The following ANKRD10 variants were observed in gnomAD, a reference collection of about 807,000 sequenced individuals.
ANKRD10 encodes ankyrin repeat domain-containing protein 10.
In ANKRD10, 14 loss-of-function variants were observed where a neutral mutation model predicts 27.0. The ratio of observed to expected loss-of-function variants is 0.52; its 90% CI spans 0.34 to 0.81. The LOEUF is 0.81. ANKRD10 is among the 40% of genes least tolerant of loss of function. The probability of loss-of-function intolerance (pLI) is 0.01; values close to 1 mark genes in which losing one functional copy is unlikely to be tolerated. For synonymous variants in ANKRD10, 250 were observed against 224.5 expected, an observed-to-expected ratio of 1.11 and a Z score of -1.01; for missense variants, 493 against 544.0, an observed-to-expected ratio of 0.91 and a Z score of 0.93.
In ANKRD10 at chr13:110,880,023, T is replaced by C; in HGVS notation, c.877A>G (p.Ser293Gly). 2.5e-6 allele frequency: 4 copies of C among 1,614,210 alleles called. No homozygotes were observed. The highest frequency in any genetic ancestry group is 1.1e-5 in the South Asian group (1 of 91,084). ...HLDFPSTTPLSGMESRNGQCL... is the reference protein window; with the variant it reads ...HLDFPSTTPLGGMESRNGQCL... ...TGGCCATTCCTGCTTTCCATCCCAC[T>C]GAGCGGGGTCGTGGAGGGGAAGTCC... is the stretch of plus-strand genomic sequence containing the variant. The change falls in exon 6 of 6, where the codon AGT (serine) becomes GGT (glycine). Residue 293 changes from serine to glycine, a missense_variant. Coordinates refer to ENST00000267339, the MANE Select transcript of ANKRD10 (RefSeq NM_017664.4).
intron 4 of ANKRD10, among the ~76,000 whole-genome samples, chr13:110,889,235 G>A (rs2065012893): frequency 6.6e-6 from 1 of 152,152 alleles, no homozygotes; most frequent in South Asian, 2.1e-4. Flanking sequence ...TGAAGCCCAT[G>A]CATCATACCA....
chr13:110,901,875 T>C (rs2065390284), intron 3 of ANKRD10, among the ~76,000 whole-genome samples: 3 of 152,008 alleles, frequency 2.0e-5, no homozygotes, highest in Admixed American at 2.0e-4. Context: ...ACCCCATCTC[T>C]ACTAAACATT....
intron 3 of ANKRD10, among the ~76,000 whole-genome samples, chr13:110,900,030 A>G (rs2065341333): frequency 1.3e-5 from 2 of 152,138 alleles, no homozygotes; most frequent in African/African-American, 4.8e-5. Context: ...TAGGCAACAC[A>G]GGAAGACCCT....
At chr13:110,902,463 G>C (rs146324322) in intron 3 of ANKRD10, among the ~76,000 whole-genome samples, 108 of 152,200 alleles carry the variant, frequency 7.1e-4, no homozygotes, top group African/African-American at 2.4e-3. Flanking sequence ...AGTATTCTTT[G>C]TGGCATTAGA....
At chr13:110,897,733 CAT>C (rs1438682233) in intron 3 of ANKRD10, among the ~76,000 whole-genome samples, 1 of 152,086 alleles carries the variant, frequency 6.6e-6, no homozygotes, top group Non-Finnish European at 1.5e-5. Flanking sequence ...ACTGCTGAAT[CAT>C]ATGGTAGTTC....
At position 110,915,051 on chromosome 13, in the gene ANKRD10, G is replaced by T. The variant is rs2065855273; in HGVS notation, c.-117C>A. On this transcript the variant is annotated 5_prime_UTR_variant, in exon 1 of 6. Coordinates refer to ENST00000267339, the MANE Select transcript of ANKRD10 (RefSeq NM_017664.4). ...CTAGCGCCGCGGTCGCGTCCCACAG[G>T]CTGCCGAGCGGAGCGCGCACAGAGG... 2.8e-6 allele frequency: 4 copies of T among 1,419,670 alleles called. No individual in the cohort carries two copies. Among genetic ancestry groups the T allele is most frequent in the Non-Finnish European group, 2.7e-6 (3 of 1,091,808 alleles). 87.9% of individuals were successfully genotyped at this position (1,419,670 alleles called of 1,614,324 possible).
At chr13:110,892,706 C>T (rs1396403066) in intron 4 of ANKRD10, 6 of 1,005,266 alleles carry the variant, frequency 6.0e-6, no homozygotes. Context: ...GGCACAGTGG[C>T]AGATTTTCTT....
chr13:110,913,240 A>G (rs753457482), intron 1 of ANKRD10, among the ~76,000 whole-genome samples: 2 of 152,214 alleles, frequency 1.3e-5, no homozygotes, highest in African/African-American at 2.4e-5. Context: ...GGTAGAAAGG[A>G]CAGAATCCTA....
chr13:110,892,968 G>C, intron 4 of ANKRD10, 60 bp downstream of exon 4: 8 of 1,590,666 alleles, frequency 5.0e-6, no homozygotes, highest in Non-Finnish European at 6.0e-6. Flanking sequence ...GCCATAAAAA[G>C]AAAACATATT....
chr13:110,889,038 CA>C, intron 4 of ANKRD10, among the ~76,000 whole-genome samples: 1 of 70,818 alleles, frequency 1.4e-5, no homozygotes, highest in South Asian at 3.5e-4. Flanking sequence ...AAACAATTAT[CA>C]ATCAGCAAAA....
At chr13:110,894,063 G>GT in intron 3 of ANKRD10, 1 of 1,331,452 alleles carries the variant, frequency 7.5e-7, no homozygotes, top group Non-Finnish European at 1.1e-6. Flanking sequence ...TGATGGCAGA[G>GT]TAAGTGAAAG....
chr13:110,904,772 C>T (rs898231412), intron 3 of ANKRD10, among the ~76,000 whole-genome samples: 2 of 152,106 alleles, frequency 1.3e-5, no homozygotes, highest in Middle Eastern at 3.2e-3. Context: ...CATGAAGTCG[C>T]GAGAGTCCCT....
At chr13:110,895,885 CT>C (rs1566468991) in intron 3 of ANKRD10, among the ~76,000 whole-genome samples, 1 of 152,204 alleles carries the variant, frequency 6.6e-6, no homozygotes, top group African/African-American at 2.4e-5. Flanking sequence ...TCCCACTTCA[CT>C]TTTTCCCCTG....
Position 110,914,745 on chromosome 13 carries a change from A to C in ANKRD10, c.190T>G (p.Trp64Gly), listed in dbSNP as rs1474968687. Residue 64 changes from tryptophan (W) to glycine (G), a missense_variant, in exon 1 of 6, where the codon TGG becomes GGG. Trp to Gly is a radical substitution (Grantham distance 184, BLOSUM62 -2). Coordinates refer to ENST00000267339, the MANE Select transcript of ANKRD10 (RefSeq NM_017664.4). ...CCCACCTTGCCGAAATGCGCGGCCC[A>C]GTGCACGGGCGTCCAGCCATAGAAG... ...DSFYGWTPVH[W>G]AAHFGKLECL... The C allele has an allele frequency of 6.3e-7, 1 of 1,592,224 alleles. No homozygotes were observed. The highest frequency in any genetic ancestry group is 8.5e-7 in the Non-Finnish European group (1 of 1,170,330).
Position 110,911,480 on chromosome 13 carries a change from T to C in ANKRD10, c.211-710A>G, listed in dbSNP as rs139442131. Among the ~76,000 whole-genome samples, 486 of 132,082 alleles carry C rather than the reference T, an allele frequency of 3.7e-3. 2 individuals are homozygous for C. Among genetic ancestry groups the C allele is most frequent in the African/African-American group, 0.013 (454 of 34,648 alleles). The allele number at this position is 132,082 out of a possible 152,430, so 86.7% of individuals were successfully genotyped here. On this transcript the variant is annotated intron_variant, in intron 1 of 5. Transcript: ENST00000267339. ...CACCAACACCACCACCACCACTTTG[T>C]GTAATGCCAGGCGCAGTGCCTCATG... is the stretch of plus-strand genomic sequence containing the variant.
intron 4 of ANKRD10, among the ~76,000 whole-genome samples, chr13:110,885,392 A>G (rs2064902247): frequency 1.3e-5 from 2 of 152,134 alleles, no homozygotes; most frequent in South Asian, 4.1e-4. Context: ...TACTAAAAAT[A>G]CAAACATTAG....
At chr13:110,900,724 C>T in intron 3 of ANKRD10, 1 of 1,322,932 alleles carries the variant, frequency 7.6e-7, no homozygotes, top group Non-Finnish European at 1.0e-6. Context: ...GTAGTTTTTA[C>T]AGATTCAGAA....
chr13:110,891,517 A>C (rs1172629863), intron 4 of ANKRD10, among the ~76,000 whole-genome samples: 1 of 152,210 alleles, frequency 6.6e-6, no homozygotes, highest in Non-Finnish European at 1.5e-5. Context: ...TTATCACAGG[A>C]ATTTTTATGG....
At chr13:110,899,904 T>C (rs954137450) in intron 3 of ANKRD10, among the ~76,000 whole-genome samples, 1 of 152,142 alleles carries the variant, frequency 6.6e-6, no homozygotes. Flanking sequence ...TTATTCTGAA[T>C]AGAATATTAA....
Sources: allele counts gnomAD v4.1 joint callset (sites outside exome capture counted in the v4.1 genomes callset), GRCh38; gene constraint gnomAD v4.1.1; transcripts MANE v1.5; gene names NCBI Gene and HGNC (gene_info 2026-07-23, HGNC 2026-07-21).